The following PRELID2 variants were observed in gnomAD, a reference collection of about 807,000 sequenced individuals.
The protein encoded by PRELID2 is PRELI domain-containing protein 2.
PRELID2 carries 25 observed loss-of-function variants against 28.4 expected under a neutral mutation model. That is an observed-to-expected ratio of 0.88 (90% CI 0.64 to 1.23). PRELID2 has a LOEUF of 1.23. Among genes scored for constraint, PRELID2 ranks in the 50% most tolerant of loss-of-function variants. The probability of loss-of-function intolerance (pLI) is 0.00; values close to 1 mark genes in which losing one functional copy is unlikely to be tolerated. For missense variants in PRELID2, 201 were observed against 214.4 expected, an observed-to-expected ratio of 0.94 and a Z score of 0.39; for synonymous variants, 76 against 71.6, an observed-to-expected ratio of 1.06 and a Z score of -0.31.
the PRELID2 span, among the ~76,000 whole-genome samples, chr5:145,386,933 G>A: frequency 3.9e-5 from 6 of 152,094 alleles, no homozygotes; most frequent in Non-Finnish European, 7.4e-5. Flanking sequence ...TTGAATGGCT[G>A]GTTATTTTCC....
chr5:145,614,206 G>A (rs573146422), intron 1 of PRELID2, among the ~76,000 whole-genome samples: 7 of 152,344 alleles, frequency 4.6e-5, no homozygotes, highest in African/African-American at 1.4e-4. Context: ...GTACCATGCT[G>A]TTTTGGCGAC....
chr5:145,645,158 T>C (rs561058096), intron 1 of PRELID2, among the ~76,000 whole-genome samples: 50 of 152,230 alleles, frequency 3.3e-4, no homozygotes, highest in African/African-American at 1.2e-3. Context: ...CTAAGACTCT[T>C]TGTAAGTCTC....
chr5:145,588,375 A>T (rs1196174811), intron 1 of PRELID2, among the ~76,000 whole-genome samples: 1 of 152,116 alleles, frequency 6.6e-6, no homozygotes, highest in Non-Finnish European at 1.5e-5. Context: ...ATATGCCAAA[A>T]GCCCTACCTT....
intron 1 of PRELID2, among the ~76,000 whole-genome samples, chr5:145,603,110 A>G (rs1412010147): frequency 6.6e-6 from 1 of 152,022 alleles, no homozygotes; most frequent in Non-Finnish European, 1.5e-5. Context: ...GGAGAACATG[A>G]TGAGAAGACC....
intron 1 of PRELID2, among the ~76,000 whole-genome samples, chr5:145,825,220 T>G (rs1755095648): frequency 1.1e-5 from 1 of 89,078 alleles, no homozygotes. Flanking sequence ...AGTGAGACTC[T>G]GTCTCAAAAA....
intron 1 of PRELID2, among the ~76,000 whole-genome samples, chr5:145,572,650 A>G (rs545702504): frequency 1.3e-3 from 202 of 152,314 alleles, no homozygotes; most frequent in African/African-American, 4.6e-3. Context: ...TGGCACCCTG[A>G]TTAACATTTC....
downstream of PRELID2, among the ~76,000 whole-genome samples, chr5:145,753,738 G>T (rs989064125): frequency 6.6e-6 from 1 of 152,176 alleles, no homozygotes; most frequent in African/African-American, 2.4e-5. Context: ...ATCTCTGAGG[G>T]TGAGACCCTG....
At chr5:145,479,483 G>A (rs1227681694) in intron 1 of PRELID2, among the ~76,000 whole-genome samples, 3 of 152,142 alleles carry the variant, frequency 2.0e-5, no homozygotes, top group Non-Finnish European at 4.4e-5. Context: ...CGGCCCCTGT[G>A]TATGTGTGCT....
the PRELID2 span, among the ~76,000 whole-genome samples, chr5:145,350,945 G>A: frequency 3.9e-4 from 59 of 152,312 alleles, no homozygotes; most frequent in South Asian, 0.012. Context: ...AAGATATTCT[G>A]TGTAATGATA....
rs1005381743 is a variant in PRELID2 at position 145,759,390 on chromosome 5, C to A, written c.*1146G>T. On this transcript the variant is annotated 3_prime_UTR_variant, in exon 7 of 7. Transcript: ENST00000683046. ...ATGTATTTATATTTTGGCTTCTGATCACGAGAAATGCAAACTACTGCCATC... is the reference window on the plus strand; with the variant it reads ...ATGTATTTATATTTTGGCTTCTGATAACGAGAAATGCAAACTACTGCCATC... The A allele has an allele frequency of 2.0e-5, 3 of 152,148 alleles. No individual in the cohort carries two copies. The highest frequency in any genetic ancestry group is 7.2e-5 in the African/African-American group (3 of 41,420). 9.4% of individuals were successfully genotyped at this position (152,148 alleles called of 1,614,324 possible). A position where few individuals can be genotyped will look rare whatever the true frequency, so the allele number is the denominator to read the frequency against.
At chr5:145,551,543 C>G (rs2126681745) in intron 1 of PRELID2, among the ~76,000 whole-genome samples, 1 of 152,312 alleles carries the variant, frequency 6.6e-6, no homozygotes, top group Middle Eastern at 3.4e-3. Context: ...CCAAAATTGA[C>G]TGGAGAAATG....
chr5:145,359,664 C>T, the PRELID2 span, among the ~76,000 whole-genome samples: 1 of 152,192 alleles, frequency 6.6e-6, no homozygotes, highest in Admixed American at 6.5e-5. Flanking sequence ...AGGCTATGTA[C>T]TGGTACCACA....
the PRELID2 span, among the ~76,000 whole-genome samples, chr5:145,420,065 A>G: frequency 4.0e-5 from 6 of 151,328 alleles, no homozygotes; most frequent in East Asian, 1.9e-4. Context: ...ATTTCTGAGG[A>G]CTCTGTTCTG....
chr5:145,618,620 G>A (rs1188029787), intron 1 of PRELID2, among the ~76,000 whole-genome samples: 4 of 152,156 alleles, frequency 2.6e-5, no homozygotes, highest in African/African-American at 7.2e-5. Flanking sequence ...AGGGTACCTA[G>A]CTTTGGTGAT....
At chr5:145,539,157 T>A (rs1752726767) in intron 1 of PRELID2, among the ~76,000 whole-genome samples, 1 of 151,972 alleles carries the variant, frequency 6.6e-6, no homozygotes, top group Admixed American at 6.6e-5. Context: ...GTGAACAATC[T>A]GCAGTGTTTA....
At chr5:145,691,605 C>A (rs1421162072) in intron 1 of PRELID2, among the ~76,000 whole-genome samples, 2 of 152,122 alleles carry the variant, frequency 1.3e-5, no homozygotes, top group Admixed American at 6.5e-5. Context: ...GTAGTCCCAG[C>A]TACTCGGGAG....
At chr5:145,443,394 G>C in the PRELID2 span, among the ~76,000 whole-genome samples, 1 of 151,864 alleles carries the variant, frequency 6.6e-6, no homozygotes, top group Non-Finnish European at 1.5e-5. Context: ...AAGTCTCATT[G>C]TCTTGGCCCA....
chr5:145,633,579 A>G (rs1330964558), intron 1 of PRELID2, among the ~76,000 whole-genome samples: 1 of 152,214 alleles, frequency 6.6e-6, no homozygotes, highest in Non-Finnish European at 1.5e-5. Context: ...GCTCCATTTG[A>G]TAAGGGAATC....
chr5:145,475,867 T>C (rs1752096008), intron 1 of PRELID2, among the ~76,000 whole-genome samples: 1 of 152,206 alleles, frequency 6.6e-6, no homozygotes, highest in African/African-American at 2.4e-5. Flanking sequence ...ATTTATAAAA[T>C]ATTTTCCCAT....
Sources: gnomAD v4.1 joint callset for allele counts (sites outside exome capture counted in the v4.1 genomes callset) on GRCh38, gnomAD v4.1.1 for gene constraint, MANE v1.5 for transcripts, NCBI Gene and HGNC (gene_info 2026-07-23, HGNC 2026-07-21) for gene names.